CNTN6: variants seen among roughly 807,000 people sequenced by gnomAD.
CNTN6 encodes contactin 6.
CNTN6 carries 137 observed loss-of-function variants against 122.8 expected under a neutral mutation model. The ratio of observed to expected loss-of-function variants is 1.12; its 90% CI spans 0.97 to 1.29. The LOEUF (loss-of-function observed/expected upper bound fraction) is 1.29, where lower values mean the gene tolerates loss of function less well. Among genes scored for constraint, CNTN6 ranks in the 50% most tolerant of loss-of-function variants. The pLI is 0.00. For synonymous variants in CNTN6, 570 were observed against 426.0 expected (o/e 1.34, Z -4.16); for missense variants, 1,634 against 1,223.4 (o/e 1.34, Z -5.01).
intron 11 of CNTN6, among the ~76,000 whole-genome samples, chr3:1,346,986 T>A (rs1247983095): frequency 6.6e-6 from 1 of 152,180 alleles, no homozygotes; most frequent in South Asian, 2.1e-4. Context: ...GTGGGAAGAT[T>A]AAAATGTCGC....
At chr3:1,302,212 T>C (rs78912164) in intron 7 of CNTN6, among the ~76,000 whole-genome samples, 1 of 152,220 alleles carries the variant, frequency 6.6e-6, no homozygotes, top group African/African-American at 2.4e-5. Flanking sequence ...CATCTCTTCA[T>C]AAAAATATTG....
intron 17 of CNTN6, among the ~76,000 whole-genome samples, chr3:1,378,394 G>C (rs1372942767): frequency 6.6e-6 from 1 of 152,092 alleles, no homozygotes; most frequent in Non-Finnish European, 1.5e-5. Context: ...GAGATAACTG[G>C]GAACCAGAGA....
chr3:1,209,498 T>G (rs1331553422), intron 2 of CNTN6, among the ~76,000 whole-genome samples: 1 of 152,178 alleles, frequency 6.6e-6, no homozygotes, highest in Non-Finnish European at 1.5e-5. Flanking sequence ...GTGAAGTGAG[T>G]GCTGATTTCA....
intron 2 of CNTN6, among the ~76,000 whole-genome samples, chr3:1,156,332 T>C (rs930393555): frequency 3.9e-5 from 6 of 152,220 alleles, no homozygotes; most frequent in African/African-American, 1.2e-4. Context: ...AAGAAGAATT[T>C]TGTCATTTCC....
intron 4 of CNTN6, among the ~76,000 whole-genome samples, chr3:1,276,827 A>C (rs1174279482): frequency 1.3e-5 from 2 of 152,214 alleles, no homozygotes; most frequent in African/African-American, 2.4e-5. Flanking sequence ...ATAATGATCT[A>C]AAGTTGACGT....
At chr3:1,388,096 A>G (rs2126207479) in intron 20 of CNTN6, among the ~76,000 whole-genome samples, 1 of 152,238 alleles carries the variant, frequency 6.6e-6, no homozygotes, top group South Asian at 2.1e-4. Flanking sequence ...TGTAGGCTCC[A>G]CCTCTCGGGG....
At chr3:1,169,529 C>T (rs1185057415) in intron 2 of CNTN6, among the ~76,000 whole-genome samples, 3 of 152,102 alleles carry the variant, frequency 2.0e-5, no homozygotes, top group East Asian at 3.9e-4. Flanking sequence ...CCGTATTTAA[C>T]GAGGGGCTAG....
intron 3 of CNTN6, among the ~76,000 whole-genome samples, chr3:1,225,182 C>A (rs1402902621): frequency 2.0e-5 from 3 of 152,204 alleles, no homozygotes; most frequent in African/African-American, 7.2e-5. Flanking sequence ...TAAAAGCAAT[C>A]ATTTAAAACA....
chr3:1,312,637 A>G (rs530036143), intron 7 of CNTN6, among the ~76,000 whole-genome samples: 1 of 147,780 alleles, frequency 6.8e-6, no homozygotes, highest in South Asian at 2.1e-4. Context: ...AAAAGCATCT[A>G]TTGACTGGTT....
chr3:1,377,954 G>C (rs1291236295), intron 17 of CNTN6, among the ~76,000 whole-genome samples: 14 of 152,128 alleles, frequency 9.2e-5, no homozygotes, highest in Admixed American at 9.2e-4. Context: ...TTATCTGGGA[G>C]ATGGCCACTG....
At chr3:1,279,139 C>T (rs1215730510) in intron 5 of CNTN6, among the ~76,000 whole-genome samples, 1 of 152,190 alleles carries the variant, frequency 6.6e-6, no homozygotes, top group Non-Finnish European at 1.5e-5. Flanking sequence ...AGAATGTCTC[C>T]TGGCAATGGT....
rs192008611 is a variant in CNTN6 at position 1,325,977 on chromosome 3, G to A, written c.1083+26G>A. 2.5e-6 allele frequency: 4 copies of A among 1,593,804 alleles called. No individual in the cohort carries two copies. The Admixed American group carries it at 7.1e-5, about 28-fold the overall frequency. ...GTAAGCAACTATGTTGATATTAAAA[G>A]TTTACCTACTCTACTAGGTAAATTT... On this transcript the variant is annotated intron_variant, in intron 9 of 22. Transcript: ENST00000446702.
Position 1,383,034 on chromosome 3 carries a change from G to A in CNTN6, c.2259G>A (p.Val753=), listed in dbSNP as rs2291101. 702,130 of 1,613,376 alleles carry A rather than the reference G, an allele frequency of 0.44. 155,730 individuals are homozygous for A. Among genetic ancestry groups the A allele is most frequent in the East Asian group, 0.63 (28,190 of 44,856 alleles). ...CGACAACCTGGTCCAAGGAGAAAGT[G>A]TCATCTGTGGAATCATCAAGGTTTG... is the stretch of plus-strand genomic sequence containing the variant. ...VGSTTWSKEK[V]SSVESSRFVY... The change falls in exon 18 of 23, where the codon GTG becomes GTA. Residue 753 remains valine, a synonymous_variant. Transcript: ENST00000446702.
intron 20 of CNTN6, among the ~76,000 whole-genome samples, chr3:1,393,382 G>T (rs1694489891): frequency 1.6e-5 from 2 of 121,948 alleles, no homozygotes; most frequent in Admixed American, 8.8e-5. Flanking sequence ...ACAGGAAGGG[G>T]AATATCACAC....
intron 2 of CNTN6, among the ~76,000 whole-genome samples, chr3:1,216,402 G>GT (rs1311843316): frequency 1.3e-5 from 2 of 151,874 alleles, no homozygotes; most frequent in Non-Finnish European, 2.9e-5. Flanking sequence ...GTTGTTTTTG[G>GT]TTTTTTTCTT....
At chr3:1,384,226 C>T (rs562518492) in intron 19 of CNTN6, among the ~76,000 whole-genome samples, 1 of 152,140 alleles carries the variant, frequency 6.6e-6, no homozygotes, top group South Asian at 2.1e-4. Flanking sequence ...AGTGTTCTTA[C>T]CACAACATCA....
chr3:1,315,073 T>C (rs954637471), intron 7 of CNTN6, among the ~76,000 whole-genome samples: 5 of 151,990 alleles, frequency 3.3e-5, no homozygotes, highest in Non-Finnish European at 5.9e-5. Flanking sequence ...ACGACTGATA[T>C]CTGTAGTTAA....
intron 1 of CNTN6, among the ~76,000 whole-genome samples, chr3:1,115,776 CA>C (rs1399702906): frequency 1.3e-5 from 2 of 151,882 alleles, no homozygotes; most frequent in Non-Finnish European, 2.9e-5. Flanking sequence ...AATAAACAAA[CA>C]AAAGAACACC....
chr3:1,385,683 A>C lies in CNTN6; in HGVS notation c.2590A>C (p.Lys864Gln), dbSNP rs756946492. The C allele has an allele frequency of 2.5e-6, 4 of 1,613,894 alleles. No homozygotes were observed. Among genetic ancestry groups the C allele is most frequent in the Non-Finnish European group, 3.4e-6 (4 of 1,179,888 alleles). Residue 864 changes from lysine (K) to glutamine (Q), a missense_variant, in exon 20 of 23, where the codon AAA becomes CAA. Lys to Gln is a moderately conservative substitution (Grantham distance 53). Transcript: ENST00000446702. Reference sequence around the variant, plus strand: ...TAGAGTCAGTGGAAATGTCACAACCAAAAACATCACGGGGCTGAAAGCTAA... The same window carrying C: ...TAGAGTCAGTGGAAATGTCACAACCCAAAACATCACGGGGCTGAAAGCTAA... The part of the protein sequence containing the change: ...KIRVSGNVTT[K>Q]NITGLKANTI...
Sources: allele counts gnomAD v4.1 joint callset (sites outside exome capture counted in the v4.1 genomes callset), GRCh38; gene constraint gnomAD v4.1.1; transcripts MANE v1.5; gene names NCBI Gene and HGNC (gene_info 2026-07-23, HGNC 2026-07-21).